The following SPMIP7 variants were observed in gnomAD, a reference collection of about 807,000 sequenced individuals.
SPMIP7 encodes the protein protein SPMIP7.
At chr7:50,114,768 G>T in the SPMIP7 span, among the ~76,000 whole-genome samples, 1 of 152,128 alleles carries the variant, frequency 6.6e-6, no homozygotes, top group South Asian at 2.1e-4. Context: ...GGTGGCTCAC[G>T]CCTGTAATTC....
chr7:50,135,978 T>G, the SPMIP7 span: 1 of 699,966 alleles, frequency 1.4e-6, no homozygotes. Context: ...GAGAGTGCGT[T>G]TCCTAGGGAG....
At chr7:50,129,566 G>C in the SPMIP7 span, 2 of 601,156 alleles carry the variant, frequency 3.3e-6, no homozygotes, top group Non-Finnish European at 5.9e-6. Context: ...GAGAGGAAAA[G>C]TAGGGAAGCA....
chr7:50,155,770 TG>T, the SPMIP7 span, among the ~76,000 whole-genome samples: 4,273 of 138,530 alleles, frequency 0.031, 161 homozygotes, highest in South Asian at 0.15. Flanking sequence ...AGCTGACTCT[TG>T]GGGGTCCTCG....
chr7:50,104,462 A>G, the SPMIP7 span: 1 of 539,938 alleles, frequency 1.9e-6, no homozygotes, highest in Non-Finnish European at 2.6e-6. Flanking sequence ...ATTTCATTGT[A>G]TTATATATAT....
At chr7:50,117,150 AAAT>A in the SPMIP7 span, 1 of 422,544 alleles carries the variant, frequency 2.4e-6, no homozygotes, top group Non-Finnish European at 4.7e-6. Flanking sequence ...CTGCAAATGA[AAAT>A]AGCCTTACAA....
At chr7:50,100,824 T>TAAATAAATAAATA in the SPMIP7 span, among the ~76,000 whole-genome samples, 1 of 150,802 alleles carries the variant, frequency 6.6e-6, no homozygotes, top group South Asian at 2.1e-4. Flanking sequence ...AATAAATAAA[T>TAAATAAATAAATA]AAATAAATAA....
At chr7:50,149,550 C>A in the SPMIP7 span, among the ~76,000 whole-genome samples, 7 of 152,202 alleles carry the variant, frequency 4.6e-5, no homozygotes, top group Non-Finnish European at 1.0e-4. Context: ...GCCACAGAAG[C>A]CTGCTTCTCG....
chr7:50,132,204 A>G, the SPMIP7 span, among the ~76,000 whole-genome samples: 34 of 152,128 alleles, frequency 2.2e-4, no homozygotes, highest in African/African-American at 8.2e-4. Context: ...CTGCTTGCTG[A>G]ACATGGGATC....
chr7:50,151,503 CA>C, the SPMIP7 span: 3 of 1,551,542 alleles, frequency 1.9e-6, no homozygotes, highest in African/African-American at 4.1e-5. Context: ...GCCACCCACC[CA>C]GCAAATTCTA....
At chr7:50,131,519 T>C in the SPMIP7 span, among the ~76,000 whole-genome samples, 1 of 152,026 alleles carries the variant, frequency 6.6e-6, no homozygotes, top group Non-Finnish European at 1.5e-5. Flanking sequence ...TGTAAAGCCA[T>C]GGAACTGAAT....
chr7:50,125,383 C>CACATATATATACACATAT, the SPMIP7 span, among the ~76,000 whole-genome samples: 5 of 104,516 alleles, frequency 4.8e-5, no homozygotes, highest in African/African-American at 9.0e-5. Context: ...TACACATATA[C>CACATATATATACACATAT]ACACATATAT....
At chr7:50,137,823 A>T in the SPMIP7 span, among the ~76,000 whole-genome samples, 2 of 152,128 alleles carry the variant, frequency 1.3e-5, no homozygotes, top group African/African-American at 4.8e-5. Context: ...GCCTGCTTAT[A>T]TATTTTGTCC....
chr7:50,100,481 C>G, the SPMIP7 span, among the ~76,000 whole-genome samples: 1 of 152,170 alleles, frequency 6.6e-6, no homozygotes, highest in African/African-American at 2.4e-5. Flanking sequence ...ACTCTGCCAT[C>G]TTGCTAAGGT....
chr7:50,095,990 A>G, the SPMIP7 span: 1 of 817,498 alleles, frequency 1.2e-6, no homozygotes, highest in African/African-American at 1.7e-5. Flanking sequence ...AGTTTAACAC[A>G]GATCTTTAGT....
chr7:50,134,147 A>C, the SPMIP7 span: 1 of 1,550,576 alleles, frequency 6.4e-7, no homozygotes, highest in Non-Finnish European at 8.7e-7. Flanking sequence ...TGCTACCACC[A>C]AAACTTGTTC....
At chr7:50,129,888 T>C in the SPMIP7 span, 2 of 768,776 alleles carry the variant, frequency 2.6e-6, no homozygotes, top group Admixed American at 5.1e-5. Flanking sequence ...CTGGATCTTA[T>C]GAGTGACACA....
At chr7:50,125,131 CACACACACACAT>C in the SPMIP7 span, among the ~76,000 whole-genome samples, 153 of 68,758 alleles carry the variant, frequency 2.2e-3, 6 homozygotes, top group Middle Eastern at 7.0e-3. Context: ...CACACACACA[CACACACACACAT>C]ATACACACAT....
At chr7:50,107,465 G>A in the SPMIP7 span, among the ~76,000 whole-genome samples, 1 of 134,524 alleles carries the variant, frequency 7.4e-6, no homozygotes, top group African/African-American at 2.8e-5. Flanking sequence ...AATAAACAAA[G>A]AACTTTATAG....
At chr7:50,122,720 GA>G in the SPMIP7 span, among the ~76,000 whole-genome samples, 4 of 151,346 alleles carry the variant, frequency 2.6e-5, no homozygotes, top group African/African-American at 4.9e-5. Context: ...AAATTTACAA[GA>G]AAAAAACAAA....
Sources: allele counts gnomAD v4.1 joint callset (sites outside exome capture counted in the v4.1 genomes callset), GRCh38; gene constraint gnomAD v4.1.1; transcripts MANE v1.5; gene names NCBI Gene and HGNC (gene_info 2026-07-23, HGNC 2026-07-21).